Variants in SEC16B observed in about 807,000 individuals in gnomAD.
The protein encoded by SEC16B is SEC16 homolog B, endoplasmic reticulum export factor.
SEC16B carries 115 observed loss-of-function variants against 141.8 expected under a neutral mutation model. The observed-to-expected ratio is 0.81, with a 90% CI of 0.70 to 0.95. SEC16B has a LOEUF of 0.95. Ranked by LOEUF, SEC16B falls within the 40% of genes least tolerant of loss-of-function variation. The pLI, the probability that SEC16B is intolerant of heterozygous loss-of-function variation, is 0.00. For synonymous variants in SEC16B, 493 were observed against 492.5 expected, an observed-to-expected ratio of 1.00 and a Z score of -0.01; for missense variants, 1,291 against 1,312.3, an observed-to-expected ratio of 0.98 and a Z score of 0.25.
At chr1:177,949,552 C>A (rs1571326269) in intron 12 of SEC16B, among the ~76,000 whole-genome samples, 2 of 150,370 alleles carry the variant, frequency 1.3e-5, no homozygotes, top group South Asian at 2.1e-4. Context: ...GAGAAAGCAC[C>A]AACATTTATT....
chr1:177,958,395 C>A (rs766018244), intron 9 of SEC16B, 33 bp from the exon 10 acceptor site: 1 of 1,490,536 alleles, frequency 6.7e-7, no homozygotes, highest in South Asian at 1.4e-5. Context: ...TGGGGAGAAT[C>A]CTATGAGTCC....
At chr1:177,938,672 G>A (rs1651045736) in intron 18 of SEC16B, among the ~76,000 whole-genome samples, 1 of 152,082 alleles carries the variant, frequency 6.6e-6, no homozygotes, top group South Asian at 2.1e-4. Flanking sequence ...CTAGCCAGTG[G>A]GTTGGGAGGG....
intron 1 of SEC16B, among the ~76,000 whole-genome samples, chr1:177,979,733 TGAG>T (rs1435652741): frequency 6.6e-6 from 1 of 152,234 alleles, no homozygotes; most frequent in African/African-American, 2.4e-5. Context: ...CCCACATGGC[TGAG>T]GAGGCCTCAC....
Position 177,946,477 on chromosome 1 carries a change from G to A in SEC16B, c.1718C>T (p.Pro573Leu). The A allele has an allele frequency of 1.3e-6, 2 of 1,586,078 alleles. No homozygotes were observed. Among genetic ancestry groups the A allele is most frequent in the Non-Finnish European group, 1.7e-6 (2 of 1,166,688 alleles). Residue 573 changes from proline (P) to leucine (L), a missense_variant, in exon 14 of 26, where the codon CCC becomes CTC. Around this residue, in one of 3 missense-constraint regions of SEC16B, gnomAD observed 605 missense variants for 614.1 expected, o/e 0.99. Transcript: ENST00000308284. ...TGTCTTCACGGTGTAGTGGCCAAAG[G>A]GCACGTGAGCCATGAGATAGCAGAA... ...AHFCYLMAHV[P>L]FGHYTVKTDH...
intron 25 of SEC16B, 99 bp downstream of exon 25, chr1:177,930,446 C>A: frequency 1.3e-6 from 1 of 766,296 alleles, no homozygotes; most frequent in Non-Finnish European, 2.2e-6. Context: ...TGCTCAAGAA[C>A]TCACATATCA....
In SEC16B at chr1:177,942,032, C is replaced by G. The variant is rs548200478; in HGVS notation, c.1890G>C (p.Lys630Asn). The G allele has an allele frequency of 1.2e-4, 198 of 1,613,242 alleles. 2 individuals are homozygous for G. In the South Asian group the frequency reaches 2.0e-3, roughly 17 times the overall value. ...KSFIPSFQVY[K>N]LLYASRLADY... Reference sequence around the variant, plus strand: ...CTGCCAGACGGGAAGCATAAAGGAGCTTATACACCTGTGAAGAGAAAAGAG... The same window carrying G: ...CTGCCAGACGGGAAGCATAAAGGAGGTTATACACCTGTGAAGAGAAAAGAG... Residue 630 changes from lysine to asparagine, a missense_variant, in exon 16 of 26, where the codon AAG becomes AAC. Physicochemically the swap from Lys to Asn is moderately conservative, Grantham distance 94 (BLOSUM62 0). This residue lies in a region of SEC16B where 605 missense variants were observed against 614.1 expected (regional missense o/e 0.99). Coordinates refer to ENST00000308284, the MANE Select transcript of SEC16B (RefSeq NM_033127.4).
intron 1 of SEC16B, among the ~76,000 whole-genome samples, chr1:177,978,902 G>C (rs573855253): frequency 4.0e-5 from 6 of 151,722 alleles, no homozygotes; most frequent in Admixed American, 3.9e-4. Context: ...CTGCTCTGTC[G>C]CTCATCATAA....
upstream of SEC16B, chr1:177,973,287 T>C (rs536491999): frequency 1.3e-5 from 2 of 152,336 alleles, no homozygotes; most frequent in South Asian, 4.1e-4. Context: ...AAGACATCCC[T>C]CAGGCTTCAT....
intron 7 of SEC16B, 175 bp downstream of exon 7, chr1:177,960,616 G>A: frequency 2.8e-6 from 2 of 719,798 alleles, no homozygotes; most frequent in Non-Finnish European, 4.6e-6. Context: ...TTTCAGAGAA[G>A]AGCCCCACCC....
At chr1:177,951,847 G>C in intron 12 of SEC16B, 67 bp downstream of exon 12, 3 of 1,303,762 alleles carry the variant, frequency 2.3e-6, no homozygotes, top group Non-Finnish European at 3.3e-6. Flanking sequence ...GTGCACTCCT[G>C]AGCAGTCCCC....
intron 1 of SEC16B, among the ~76,000 whole-genome samples, chr1:177,983,484 G>T (rs1267798812): frequency 1.3e-5 from 2 of 151,576 alleles, no homozygotes; most frequent in East Asian, 1.9e-4. Context: ...GGTCACTCAG[G>T]TTTTATGCAG....
At chr1:177,967,435 A>C (rs1174148732) in intron 2 of SEC16B, among the ~76,000 whole-genome samples, 1 of 152,146 alleles carries the variant, frequency 6.6e-6, no homozygotes, top group African/African-American at 2.4e-5. Flanking sequence ...CCAAGCCCCC[A>C]TACCCAGTGG....
intron 9 of SEC16B, 71 bp from the exon 10 acceptor site, chr1:177,958,433 G>C: frequency 7.7e-7 from 1 of 1,296,512 alleles, no homozygotes; most frequent in Non-Finnish European, 1.0e-6. Context: ...GCTGGAGAAG[G>C]AAGGCACCAG....
In SEC16B at chr1:177,964,264, G is replaced by C. The variant is rs752801952; in HGVS notation, c.549C>G (p.Asn183Lys). ...SETHFQSNSR[N>K]PCKDSPASNS... ...TGGAAGCAGGGCTGTCTTTACAAGG[G>C]TTCCTACTGTTAGATCTGCAGCAAA... Residue 183 changes from asparagine (N) to lysine (K), a missense_variant, in exon 5 of 26, where the codon AAC becomes AAG. Asn to Lys is a moderately conservative substitution (Grantham distance 94). Transcript: ENST00000308284. 6.2e-7 allele frequency: 1 copy of C among 1,612,856 alleles called. No individual in the cohort carries two copies. Among genetic ancestry groups the C allele is most frequent in the Non-Finnish European group, 8.5e-7 (1 of 1,179,206 alleles).
At chr1:177,959,216 G>A (rs1652879083) in intron 8 of SEC16B, 1 of 513,764 alleles carries the variant, frequency 1.9e-6, no homozygotes. Context: ...GAGGCTCAGA[G>A]ACCTGAAGTC....
intron 1 of SEC16B, among the ~76,000 whole-genome samples, chr1:177,980,616 CT>C (rs1654365817): frequency 6.6e-6 from 1 of 152,078 alleles, no homozygotes; most frequent in Non-Finnish European, 1.5e-5. Context: ...CTTGTTCCTT[CT>C]CTTCTTGGAG....
chr1:177,967,751 C>T lies in SEC16B; in HGVS notation c.231G>A (p.Gly77=), dbSNP rs1410990641. The T allele has an allele frequency of 6.2e-7, 1 of 1,613,914 alleles. No homozygotes were observed. Among genetic ancestry groups the T allele is most frequent in the Admixed American group, 1.7e-5 (1 of 60,034 alleles). The change falls in exon 2 of 26, where the codon GGG becomes GGA. Residue 77 remains glycine (G), a synonymous_variant. Coordinates refer to ENST00000308284, the MANE Select transcript of SEC16B (RefSeq NM_033127.4). ...CTCCAGACACAGGCTGATGCCAGTC[C>T]CCTGGCCTGGATGCATAATGGGGCT... ...QQQPHYASRP[G]DWHQPVSGVD...
intron 2 of SEC16B, among the ~76,000 whole-genome samples, chr1:177,966,495 C>G (rs942368294): frequency 2.0e-5 from 3 of 152,134 alleles, no homozygotes; most frequent in Non-Finnish European, 4.4e-5. Flanking sequence ...CCTGAACACG[C>G]CTCTCTTTGA....
intron 4 of SEC16B, among the ~76,000 whole-genome samples, chr1:177,964,751 G>A (rs1467744883): frequency 6.6e-6 from 1 of 152,176 alleles, no homozygotes; most frequent in Non-Finnish European, 1.5e-5. Context: ...GGCCATATCT[G>A]TTCTAAGGCC....
Sources: gnomAD v4.1 joint callset for allele counts (sites outside exome capture counted in the v4.1 genomes callset) on GRCh38, gnomAD v4.1.1 for gene constraint, gnomAD v4.1.1 regional missense constraint, MANE v1.5 for transcripts, NCBI Gene and HGNC (gene_info 2026-07-23, HGNC 2026-07-21) for gene names.